CARMIL1: variants seen among roughly 807,000 people sequenced by gnomAD.
The protein encoded by CARMIL1 is F-actin-uncapping protein LRRC16A.
Under a neutral mutation model 177.1 loss-of-function variants are expected in CARMIL1, and 90 were observed. The ratio of observed to expected loss-of-function variants is 0.51; its 90% CI spans 0.43 to 0.61. The LOEUF is 0.61. Among genes scored for constraint, CARMIL1 ranks in the 20% least tolerant of loss-of-function variants. The probability of loss-of-function intolerance (pLI) is 0.00; values close to 1 mark genes in which losing one functional copy is unlikely to be tolerated. For missense variants in CARMIL1, 1,380 were observed against 1,667.0 expected, an observed-to-expected ratio of 0.83 and a Z score of 3.00; for synonymous variants, 577 against 606.2, an observed-to-expected ratio of 0.95 and a Z score of 0.71.
chr6:25,420,155 C>T lies in CARMIL1; in HGVS notation c.180C>T (p.Ile60=). Residue 60 remains isoleucine, a synonymous_variant, in exon 3 of 37, where the codon ATC becomes ATT. Coordinates refer to ENST00000329474, the MANE Select transcript of CARMIL1 (RefSeq NM_017640.6). ...SCRAFLVTAR[I]PTKLELTFSY... is the part of the protein sequence containing the mutation. ...GAGCCTTCCTTGTAACAGCGCGAAT[C>T]CCCACCAAGGTAAGTGTTGATGAAG... 1 of 1,613,470 alleles carries T rather than the reference C, an allele frequency of 6.2e-7. No homozygotes were observed. Among genetic ancestry groups the T allele is most frequent in the South Asian group, 1.1e-5 (1 of 91,058 alleles).
At chr6:25,284,307 T>C (rs577308981) in intron 1 of CARMIL1, among the ~76,000 whole-genome samples, 2 of 152,390 alleles carry the variant, frequency 1.3e-5, no homozygotes, top group African/African-American at 4.8e-5. Flanking sequence ...TGGTATTATG[T>C]CGTGCTTTTG....
chr6:25,600,861 T>A, intron 33 of CARMIL1, 115 bp downstream of exon 33: 1 of 947,842 alleles, frequency 1.1e-6, no homozygotes, highest in Non-Finnish European at 1.5e-6. Context: ...CATTTAACTT[T>A]CCTTTATGCT....
chr6:25,310,591 C>T (rs966443217), intron 2 of CARMIL1, among the ~76,000 whole-genome samples: 10 of 152,202 alleles, frequency 6.6e-5, no homozygotes, highest in African/African-American at 2.4e-4. Flanking sequence ...TTCCGGGTTG[C>T]AATCAGAAAA....
intron 2 of CARMIL1, among the ~76,000 whole-genome samples, chr6:25,323,515 G>C (rs372532963): frequency 6.6e-6 from 1 of 151,980 alleles, no homozygotes; most frequent in Non-Finnish European, 1.5e-5. Context: ...AGGCTGAGGC[G>C]GGAGGATTGC....
chr6:25,613,195 A>G (rs1816638351), intron 36 of CARMIL1, among the ~76,000 whole-genome samples: 1 of 152,166 alleles, frequency 6.6e-6, no homozygotes, highest in African/African-American at 2.4e-5. Flanking sequence ...TAGGCTTCCT[A>G]TTCTCTTCCT....
intron 24 of CARMIL1, among the ~76,000 whole-genome samples, chr6:25,537,326 C>T (rs541565673): frequency 2.0e-5 from 3 of 152,028 alleles, no homozygotes; most frequent in South Asian, 2.1e-4. Context: ...GTAATTGAAT[C>T]GATTTTTAAA....
chr6:25,605,110 C>T (rs910154264), intron 34 of CARMIL1, among the ~76,000 whole-genome samples: 11 of 152,186 alleles, frequency 7.2e-5, no homozygotes, highest in Non-Finnish European at 5.9e-5. Context: ...CTGGACAGGG[C>T]ACTTTTTGAT....
intron 2 of CARMIL1, among the ~76,000 whole-genome samples, chr6:25,316,335 C>G (rs1244899932): frequency 2.0e-5 from 3 of 152,008 alleles, no homozygotes; most frequent in Non-Finnish European, 4.4e-5. Context: ...CCTTAAGCCT[C>G]ATGGACAGCT....
rs143699300 is a variant in CARMIL1, at chr6:25,506,961, T to A, written c.1396-2695T>A. On this transcript the variant is annotated intron_variant, in intron 17 of 36. Transcript: ENST00000329474. ...TTTTTCCTTAGAATTATGAGTAAGA[T>A]CAGAAACGTTCCACCTTCCTTGAAT... Among the ~76,000 whole-genome samples, 671 of 152,282 alleles carry A rather than the reference T, an allele frequency of 4.4e-3. 4 individuals carry two copies. The highest frequency in any genetic ancestry group is 0.015 in the African/African-American group (626 of 41,552).
intron 8 of CARMIL1, among the ~76,000 whole-genome samples, chr6:25,459,229 T>TCTTC: frequency 1.2e-5 from 1 of 85,542 alleles, no homozygotes; most frequent in African/African-American, 4.3e-5. Context: ...TTTCTTTCTT[T>TCTTC]CTTTCTTTCT....
At chr6:25,503,374 T>C (rs1804598315) in intron 17 of CARMIL1, among the ~76,000 whole-genome samples, 1 of 152,204 alleles carries the variant, frequency 6.6e-6, no homozygotes. Context: ...TGTTATAGTG[T>C]TTTATCACAT....
chr6:25,364,101 A>G (rs944660561), intron 2 of CARMIL1, among the ~76,000 whole-genome samples: 2 of 151,806 alleles, frequency 1.3e-5, no homozygotes, highest in African/African-American at 4.8e-5. Flanking sequence ...ATGCACTACC[A>G]TACCCATAAT....
chr6:25,332,787 A>ATACACACACACG, intron 2 of CARMIL1, among the ~76,000 whole-genome samples: 1 of 146,692 alleles, frequency 6.8e-6, no homozygotes, highest in Non-Finnish European at 1.5e-5. Context: ...ACACACACAC[A>ATACACACACACG]CACACTTCTT....
intron 5 of CARMIL1, among the ~76,000 whole-genome samples, chr6:25,440,771 A>G (rs1345129475): frequency 6.6e-6 from 1 of 152,224 alleles, no homozygotes; most frequent in African/African-American, 2.4e-5. Context: ...AAATTGGAGA[A>G]TATGAAACTA....
chr6:25,610,241 A>T, intron 36 of CARMIL1, 60 bp downstream of exon 36: 3 of 1,531,644 alleles, frequency 2.0e-6, no homozygotes, highest in Non-Finnish European at 2.6e-6. Context: ...GGACATTTCA[A>T]AATAAAGGAA....
intron 23 of CARMIL1, among the ~76,000 whole-genome samples, chr6:25,526,032 G>A (rs1807061571): frequency 1.3e-5 from 2 of 151,772 alleles, no homozygotes; most frequent in Admixed American, 1.3e-4. Context: ...ATTCAGGGCC[G>A]GGCGTGGTGG....
At chr6:25,331,958 A>G (rs559362678) in intron 2 of CARMIL1, among the ~76,000 whole-genome samples, 1 of 152,344 alleles carries the variant, frequency 6.6e-6, no homozygotes, top group African/African-American at 2.4e-5. Flanking sequence ...TTTCTCATTT[A>G]AAAATCTTGT....
At chr6:25,341,112 A>G (rs1786882593) in intron 2 of CARMIL1, among the ~76,000 whole-genome samples, 2 of 152,084 alleles carry the variant, frequency 1.3e-5, no homozygotes, top group East Asian at 3.9e-4. Flanking sequence ...TCTCATGATA[A>G]CCTTATGAAG....
intron 2 of CARMIL1, among the ~76,000 whole-genome samples, chr6:25,352,319 CTTT>C (rs10713909): frequency 1.0e-4 from 15 of 143,614 alleles, no homozygotes; most frequent in Non-Finnish European, 1.4e-4. Context: ...TTGTAGGATA[CTTT>C]TTTTTTTTTT....
Sources: allele counts gnomAD v4.1 joint callset (sites outside exome capture counted in the v4.1 genomes callset), GRCh38; gene constraint gnomAD v4.1.1; transcripts MANE v1.5; gene names NCBI Gene and HGNC (gene_info 2026-07-23, HGNC 2026-07-21).